The following NR3C1 variants were observed in gnomAD, a reference collection of about 807,000 sequenced individuals.
NR3C1 encodes glucocorticoid receptor.
Under a neutral mutation model 74.0 loss-of-function variants are expected in NR3C1, and 14 were observed. That is an observed-to-expected ratio of 0.19 (90% CI 0.12 to 0.30). NR3C1 has a LOEUF of 0.30. NR3C1 is among the 10% of genes least tolerant of loss of function. NR3C1 has a pLI of 1.00. For missense variants in NR3C1, 695 were observed against 909.8 expected (o/e 0.76, Z 3.04); for synonymous variants, 308 against 332.5 (o/e 0.93, Z 0.80).
chr5:143,357,286 T>C (rs535792339), intron 2 of NR3C1, among the ~76,000 whole-genome samples: 2 of 152,260 alleles, frequency 1.3e-5, no homozygotes, highest in East Asian at 3.8e-4. Flanking sequence ...GAAAGTTACA[T>C]TTTTTAGATA....
At chr5:143,434,949 C>T (rs1333799455) in exon 1 of NR3C1, 3 of 984,962 alleles carry the variant, frequency 3.0e-6, no homozygotes, top group Admixed American at 6.2e-5. Flanking sequence ...TCCTGTCTCT[C>T]GGGTATAACT....
intron 2 of NR3C1, among the ~76,000 whole-genome samples, chr5:143,354,430 G>A (rs1388811559): frequency 6.6e-6 from 1 of 152,080 alleles, no homozygotes; most frequent in Non-Finnish European, 1.5e-5. Flanking sequence ...TGAGAGACAT[G>A]CAACTCTTTC....
intron 1 of NR3C1, among the ~76,000 whole-genome samples, chr5:143,416,178 C>T (rs1841470413): frequency 2.0e-5 from 3 of 152,184 alleles, no homozygotes; most frequent in Admixed American, 6.5e-5. Flanking sequence ...CCCCTCTCCA[C>T]ATATGATACT....
rs528756730 is a variant in NR3C1, at chr5:143,390,952, A to G, written c.1184+8704T>C. Among the ~76,000 whole-genome samples the G allele has an allele frequency of 5.9e-4, 90 of 152,264 alleles. 1 individual carries two copies. The highest frequency in any genetic ancestry group is 4.4e-5 in the Non-Finnish European group (3 of 67,988). On this transcript the variant is annotated intron_variant, in intron 2 of 8. Coordinates refer to ENST00000394464, the MANE Select transcript of NR3C1 (RefSeq NM_000176.3). ...AGTCCGATTTTCTTTTATGGCTTAC[A>G]AGGTGGTTCTGAAGGCAGTTTCAAA...
chr5:143,284,133 G>A (rs1813754919), intron 7 of NR3C1, among the ~76,000 whole-genome samples: 1 of 152,036 alleles, frequency 6.6e-6, no homozygotes, highest in African/African-American at 2.4e-5. Context: ...AGGCTGGAGT[G>A]CATTGGCATG....
chr5:143,412,266 G>T, intron 1 of NR3C1, among the ~76,000 whole-genome samples: 1 of 146,296 alleles, frequency 6.8e-6, no homozygotes, highest in Admixed American at 6.8e-5. Flanking sequence ...CAAAGTGCAG[G>T]GGGGGAGGGG....
At chr5:143,317,608 T>C (rs1321922345) in intron 2 of NR3C1, among the ~76,000 whole-genome samples, 2 of 152,152 alleles carry the variant, frequency 1.3e-5, no homozygotes, top group African/African-American at 4.8e-5. Flanking sequence ...GCTGAGTTTA[T>C]GTTAGAGTTC....
At chr5:143,282,767 CT>C (rs757086104) in intron 7 of NR3C1, 42 bp from the exon 8 acceptor site, 5 of 1,480,140 alleles carry the variant, frequency 3.4e-6, no homozygotes, top group Non-Finnish European at 4.5e-6. Context: ...TTTTCTTTTT[CT>C]TTTCTTTTCT....
intron 2 of NR3C1, among the ~76,000 whole-genome samples, chr5:143,347,383 G>T (rs1352644788): frequency 6.6e-6 from 1 of 152,052 alleles, no homozygotes; most frequent in East Asian, 1.9e-4. Context: ...CTTGAAAACA[G>T]ACTTTAACCC....
At chr5:143,398,749 G>A (rs1386011800) in intron 2 of NR3C1, among the ~76,000 whole-genome samples, 1 of 152,060 alleles carries the variant, frequency 6.6e-6, no homozygotes, top group Non-Finnish European at 1.5e-5. Flanking sequence ...ACGGGGTAGA[G>A]AAATTCACCC....
intron 1 of NR3C1, among the ~76,000 whole-genome samples, chr5:143,411,333 A>G (rs1216373884): frequency 2.0e-5 from 3 of 152,226 alleles, no homozygotes; most frequent in East Asian, 1.9e-4. Flanking sequence ...TGTGAACACA[A>G]AAACTTGAGG....
At chr5:143,361,153 G>A (rs1458003563) in intron 2 of NR3C1, among the ~76,000 whole-genome samples, 1 of 152,118 alleles carries the variant, frequency 6.6e-6, no homozygotes. Context: ...TTGATTGTTA[G>A]ATTAAGCTAG....
intron 4 of NR3C1, among the ~76,000 whole-genome samples, chr5:143,306,478 T>C (rs1158397030): frequency 6.6e-6 from 1 of 152,200 alleles, no homozygotes; most frequent in Non-Finnish European, 1.5e-5. Context: ...CTGAGGTTAG[T>C]TCAATACAAA....
intron 2 of NR3C1, among the ~76,000 whole-genome samples, chr5:143,361,976 A>T (rs1273426166): frequency 6.6e-6 from 1 of 152,198 alleles, no homozygotes; most frequent in African/African-American, 2.4e-5. Context: ...AGTATTTTTA[A>T]TTATTGGCTA....
chr5:143,293,866 T>C, intron 7 of NR3C1: 3 of 667,518 alleles, frequency 4.5e-6, no homozygotes, highest in Non-Finnish European at 5.5e-6. Flanking sequence ...AAACCATTCT[T>C]TTTTTTTTTT....
chr5:143,387,054 A>T (rs1188620227), intron 2 of NR3C1, among the ~76,000 whole-genome samples: 1 of 152,222 alleles, frequency 6.6e-6, no homozygotes, highest in African/African-American at 2.4e-5. Context: ...GGGAGAGGAG[A>T]AAACTAGAGA....
chr5:143,321,783 G>A (rs1823438003), intron 2 of NR3C1, among the ~76,000 whole-genome samples: 1 of 152,160 alleles, frequency 6.6e-6, no homozygotes, highest in Non-Finnish European at 1.5e-5. Context: ...TGCCTGAAGT[G>A]TCCACCATGG....
At chr5:143,433,425 T>C in intron 1 of NR3C1, among the ~76,000 whole-genome samples, 1 of 134,930 alleles carries the variant, frequency 7.4e-6, no homozygotes, top group Non-Finnish European at 1.5e-5. Context: ...ATTTAAATTA[T>C]ATATATATAT....
intron 2 of NR3C1, among the ~76,000 whole-genome samples, chr5:143,348,449 A>G (rs1829680342): frequency 6.6e-6 from 1 of 152,186 alleles, no homozygotes; most frequent in Admixed American, 6.6e-5. Flanking sequence ...GTGGATAAGC[A>G]CAGAATAGCA....
Sources: allele counts gnomAD v4.1 joint callset (sites outside exome capture counted in the v4.1 genomes callset), GRCh38; gene constraint gnomAD v4.1.1; transcripts MANE v1.5; gene names NCBI Gene and HGNC (gene_info 2026-07-23, HGNC 2026-07-21).